Variants in ANO2 observed in about 807,000 individuals in gnomAD.
The protein encoded by ANO2 is anoctamin 2, also known as anoctamin-2.
ANO2 carries 101 observed loss-of-function variants against 124.2 expected under a neutral mutation model. The ratio of observed to expected loss-of-function variants is 0.81; its 90% CI spans 0.69 to 0.96. ANO2 has a LOEUF of 0.96. Ranked by LOEUF, ANO2 falls within the 40% of genes least tolerant of loss-of-function variation. ANO2 has a pLI of 0.00. For synonymous variants in ANO2, 486 were observed against 482.5 expected (o/e 1.01, Z -0.09); for missense variants, 1,293 against 1,274.5 (o/e 1.01, Z -0.22).
chr12:5,840,157 C>G (rs889013119), intron 4 of ANO2, among the ~76,000 whole-genome samples: 4 of 152,166 alleles, frequency 2.6e-5, no homozygotes, highest in African/African-American at 9.7e-5. Context: ...TGTTAGCCAG[C>G]TGTTCCCCAT....
intron 10 of ANO2, 90 bp downstream of exon 10, chr12:5,799,417 C>A: frequency 8.9e-7 from 1 of 1,119,818 alleles, no homozygotes; most frequent in Admixed American, 2.0e-5. Flanking sequence ...TCCACTTGAG[C>A]AAAGGACTGT....
At chr12:5,808,984 C>T (rs1177692806) in intron 7 of ANO2, among the ~76,000 whole-genome samples, 2 of 152,216 alleles carry the variant, frequency 1.3e-5, no homozygotes, top group Non-Finnish European at 2.9e-5. Context: ...GAAGTGGCTG[C>T]TCTTCCAATG....
At chr12:5,850,972 T>C (rs995696512) in intron 4 of ANO2, among the ~76,000 whole-genome samples, 3 of 152,196 alleles carry the variant, frequency 2.0e-5, no homozygotes, top group African/African-American at 7.2e-5. Context: ...GCCCATATCA[T>C]AGATGAGGCA....
chr12:5,788,203 C>G (rs188504873), intron 10 of ANO2, among the ~76,000 whole-genome samples: 1 of 152,278 alleles, frequency 6.6e-6, no homozygotes, highest in East Asian at 1.9e-4. Context: ...AATCCACAGC[C>G]CAGAGCCAGG....
In ANO2 at chr12:5,816,269, C is replaced by T. The variant is rs80313405; in HGVS notation, c.893-8901G>A. 5.1e-3 allele frequency among the ~76,000 whole-genome samples: 777 copies of T among 152,120 alleles called. 1 individual carries two copies. The highest frequency in any genetic ancestry group is 0.017 in the Middle Eastern group (5 of 294). On this transcript the variant is annotated intron_variant, in intron 7 of 24. Transcript: ENST00000682330. ...AAAGGCAATAAAATCTAAATTTACC[C>T]TGTGGCTCAGGCCTCCATATTATCT...
intron 7 of ANO2, among the ~76,000 whole-genome samples, chr12:5,823,573 A>C (rs1276177212): frequency 6.6e-6 from 1 of 152,162 alleles, no homozygotes; most frequent in African/African-American, 2.4e-5. Context: ...GTGGCTTTGC[A>C]GGGTACAGCC....
chr12:5,694,635 C>T (rs980161553), intron 14 of ANO2, among the ~76,000 whole-genome samples: 1 of 152,180 alleles, frequency 6.6e-6, no homozygotes, highest in Non-Finnish European at 1.5e-5. Flanking sequence ...TAAAATCTGG[C>T]TATTCATCAG....
chr12:5,927,577 C>A (rs367863724), intron 1 of ANO2, among the ~76,000 whole-genome samples: 135 of 152,376 alleles, frequency 8.9e-4, no homozygotes, highest in African/African-American at 2.5e-3. Context: ...TGTCCATCTA[C>A]CATCAGGGCT....
intron 3 of ANO2, among the ~76,000 whole-genome samples, chr12:5,898,483 C>A (rs1939945878): frequency 6.6e-6 from 1 of 152,096 alleles, no homozygotes; most frequent in Non-Finnish European, 1.5e-5. Context: ...AGAAAACAAC[C>A]CTAACGTCCA....
intron 15 of ANO2, among the ~76,000 whole-genome samples, chr12:5,644,146 GT>G (rs779099603): frequency 2.0e-5 from 3 of 152,076 alleles, no homozygotes; most frequent in Non-Finnish European, 4.4e-5. Context: ...AAACTCGATT[GT>G]TTTGCCTTTC....
intron 23 of ANO2, among the ~76,000 whole-genome samples, chr12:5,574,020 G>T (rs921382486): frequency 6.6e-6 from 1 of 152,184 alleles, no homozygotes; most frequent in African/African-American, 2.4e-5. Context: ...CATGCCCAGG[G>T]TCATCACTGC....
intron 16 of ANO2, among the ~76,000 whole-genome samples, chr12:5,617,577 C>T (rs1944890059): frequency 6.6e-6 from 1 of 151,836 alleles, no homozygotes; most frequent in African/African-American, 2.4e-5. Flanking sequence ...CCAGACCACA[C>T]TGTACCACAC....
At position 5,918,479 on chromosome 12, in the gene ANO2, G is replaced by A. The variant is rs368490176; in HGVS notation, c.534+2561C>T. 1.6e-4 allele frequency among the ~76,000 whole-genome samples: 22 copies of A among 140,438 alleles called. 1 individual carries two copies. Among genetic ancestry groups the A allele is most frequent in the African/African-American group, 4.5e-4 (17 of 37,368 alleles). The allele number at this position is 140,438 out of a possible 152,430, so 92.1% of individuals were successfully genotyped here. On this transcript the variant is annotated intron_variant, in intron 3 of 24. Coordinates refer to ENST00000682330, the MANE Select transcript of ANO2 (RefSeq NM_001364791.2). ...TTTTGAGACAGAGTCTCCCTCTGTC[G>A]CCCAGGCTGGAGTGCAGTGGCACAA...
chr12:5,922,436 C>G (rs1941749815), intron 2 of ANO2, among the ~76,000 whole-genome samples, 184 bp downstream of exon 2: 1 of 152,232 alleles, frequency 6.6e-6, no homozygotes, highest in South Asian at 2.1e-4. Flanking sequence ...CTGACCAGAA[C>G]AGGGCACTGG....
intron 20 of ANO2, among the ~76,000 whole-genome samples, chr12:5,597,380 A>G (rs1163502404): frequency 6.6e-6 from 1 of 152,188 alleles, no homozygotes; most frequent in Non-Finnish European, 1.5e-5. Flanking sequence ...TTAGTATGCT[A>G]AAGATAATGG....
At chr12:5,590,660 A>T (rs1158296748) in intron 20 of ANO2, among the ~76,000 whole-genome samples, 1 of 152,194 alleles carries the variant, frequency 6.6e-6, no homozygotes, top group Non-Finnish European at 1.5e-5. Flanking sequence ...ACCCAAAGAC[A>T]AGGCCAAAAG....
intron 10 of ANO2, among the ~76,000 whole-genome samples, chr12:5,771,804 G>T (rs571773328): frequency 2.0e-5 from 3 of 152,258 alleles, no homozygotes; most frequent in Admixed American, 2.0e-4. Context: ...ATTCTTCATT[G>T]AATGGTTTAT....
intron 13 of ANO2, among the ~76,000 whole-genome samples, chr12:5,734,840 G>A (rs1468738085): frequency 6.6e-6 from 1 of 152,022 alleles, no homozygotes; most frequent in Admixed American, 6.5e-5. Context: ...AGTAGAGATG[G>A]GGTTTCACCA....
intron 23 of ANO2, among the ~76,000 whole-genome samples, chr12:5,569,549 G>A (rs1382052980): frequency 5.3e-5 from 8 of 152,160 alleles, no homozygotes; most frequent in Non-Finnish European, 1.2e-4. Context: ...TAAAAAGCTA[G>A]TCTGCACCTG....
Sources: allele counts gnomAD v4.1 joint callset (sites outside exome capture counted in the v4.1 genomes callset), GRCh38; gene constraint gnomAD v4.1.1; transcripts MANE v1.5; gene names NCBI Gene and HGNC (gene_info 2026-07-23, HGNC 2026-07-21).